Variants in ACAD10 observed in about 807,000 individuals in gnomAD.
ACAD10 encodes acyl-CoA dehydrogenase family member 10, also known as ACAD-10.
In ACAD10, 112 loss-of-function variants were observed where a neutral mutation model predicts 116.8. The observed-to-expected ratio is 0.96, with a 90% CI of 0.82 to 1.12. The LOEUF (loss-of-function observed/expected upper bound fraction) is 1.12. ACAD10 is among the 50% of genes most tolerant of loss of function. The pLI is 0.00. For missense variants in ACAD10, 1,259 were observed against 1,350.2 expected, an observed-to-expected ratio of 0.93 and a Z score of 1.06; for synonymous variants, 486 against 510.6, an observed-to-expected ratio of 0.95 and a Z score of 0.65.
intron 3 of ACAD10, among the ~76,000 whole-genome samples, chr12:111,705,236 A>G (rs1888464021): frequency 6.6e-6 from 1 of 151,772 alleles, no homozygotes; most frequent in Non-Finnish European, 1.5e-5. Flanking sequence ...TGTAATATTG[A>G]TATAAATAGC....
chr12:111,742,086 T>C (rs1889760108), intron 12 of ACAD10, among the ~76,000 whole-genome samples: 1 of 152,184 alleles, frequency 6.6e-6, no homozygotes, highest in African/African-American at 2.4e-5. Context: ...GCAAGTTAAG[T>C]GGACACCAGT....
At chr12:111,716,132 G>A (rs982438853) in intron 7 of ACAD10, among the ~76,000 whole-genome samples, 170 bp downstream of exon 7, 3 of 152,120 alleles carry the variant, frequency 2.0e-5, no homozygotes, top group Non-Finnish European at 4.4e-5. Context: ...TTGGGAGACC[G>A]AGGCAAGAGG....
At chr12:111,749,405 C>G in intron 18 of ACAD10, 60 bp downstream of exon 18, 1 of 1,559,392 alleles carries the variant, frequency 6.4e-7, no homozygotes, top group Non-Finnish European at 8.7e-7. Flanking sequence ...GCTTTGCTGT[C>G]GGACTTCAAT....
In ACAD10 at chr12:111,715,181, T is replaced by A. The variant is rs940717858; in HGVS notation, c.851-640T>A. 2.6e-5 allele frequency among the ~76,000 whole-genome samples: 4 copies of A among 152,238 alleles called. No homozygotes were observed. In the South Asian group the frequency reaches 8.3e-4, roughly 32 times the overall value. On this transcript the variant is annotated intron_variant, in intron 6 of 20. Coordinates refer to ENST00000313698, the MANE Select transcript of ACAD10 (RefSeq NM_025247.6). ...GCCAGCCAGAAGAACTCAGGCCGAG[T>A]TCTGTTGCTTGCCTACTCTTCTAAC...
Position 111,732,101 on chromosome 12 carries a change from A to G in ACAD10, c.1395-1822A>G, listed in dbSNP as rs1019537892. Among the ~76,000 whole-genome samples, 3 of 152,094 alleles carry G rather than the reference A, an allele frequency of 2.0e-5. No homozygotes were observed. The South Asian group carries it at 6.2e-4, about 32-fold the overall frequency. ...ATCTCAAAAAACAACAAAAAAAGAA[A>G]AGTAATGGGCAGTAACATGGAAGAT... On this transcript the variant is annotated intron_variant, in intron 10 of 20. Transcript: ENST00000313698.
At chr12:111,707,547 C>G (rs1888547128) in intron 4 of ACAD10, among the ~76,000 whole-genome samples, 1 of 152,318 alleles carries the variant, frequency 6.6e-6, no homozygotes, top group African/African-American at 2.4e-5. Context: ...CTGGCCCATT[C>G]CTCCAAGGAT....
rs1889477897 is a variant in ACAD10 at position 111,734,025 on chromosome 12, C to T, written c.1497C>T (p.Ser499=). 3.7e-6 allele frequency: 6 copies of T among 1,614,108 alleles called. No homozygotes were observed. Among genetic ancestry groups the T allele is most frequent in the African/African-American group, 1.3e-5 (1 of 74,954 alleles). ...ACCCCCTTGCTGATGTGGCCTACAG[C>T]TGCCTGGCTCATTACCTGCCATCCA... The part of the protein sequence containing the change: ...LGDPLADVAY[S]CLAHYLPSSF... The change falls in exon 11 of 21, where the codon AGC becomes AGT. Residue 499 remains serine, a synonymous_variant. Coordinates refer to ENST00000313698, the MANE Select transcript of ACAD10 (RefSeq NM_025247.6).
intron 15 of ACAD10, 43 bp from the exon 16 acceptor site, chr12:111,747,252 G>A: frequency 6.2e-7 from 1 of 1,613,412 alleles, no homozygotes; most frequent in Non-Finnish European, 8.5e-7. Flanking sequence ...GGGAACACGG[G>A]CTGTCTGCTG....
chr12:111,698,279 C>T (rs1012665773), intron 2 of ACAD10, among the ~76,000 whole-genome samples: 6 of 145,588 alleles, frequency 4.1e-5, no homozygotes, highest in Non-Finnish European at 7.5e-5. Context: ...ATTATAGGCA[C>T]AAGCCACTGC....
At chr12:111,715,657 GACTCAGTC>G in intron 6 of ACAD10, 156 bp from the exon 7 acceptor site, 1 of 848,324 alleles carries the variant, frequency 1.2e-6, no homozygotes, top group Non-Finnish European at 1.8e-6. Flanking sequence ...GTAGACCTGG[GACTCAGTC>G]ACTCCTAGTA....
intron 6 of ACAD10, 69 bp from the exon 7 acceptor site, chr12:111,715,752 A>G (rs1309694975): frequency 6.2e-7 from 1 of 1,601,426 alleles, no homozygotes; most frequent in East Asian, 2.2e-5. Flanking sequence ...ACTCATTAGA[A>G]AGAAAGAATG....
At chr12:111,697,951 T>C (rs1888236803) in intron 2 of ACAD10, among the ~76,000 whole-genome samples, 1 of 151,124 alleles carries the variant, frequency 6.6e-6, no homozygotes, top group Non-Finnish European at 1.5e-5. Flanking sequence ...TTTTTTTTTT[T>C]TTTGAGTCGG....
At chr12:111,756,042 G>A (rs1312634728) in intron 20 of ACAD10, 1 of 1,059,076 alleles carries the variant, frequency 9.4e-7, no homozygotes, top group East Asian at 2.7e-5. Context: ...CATAAGCCCA[G>A]AGCCCAGGCT....
chr12:111,694,763 C>G (rs536532109), intron 2 of ACAD10, among the ~76,000 whole-genome samples: 2 of 152,342 alleles, frequency 1.3e-5, no homozygotes, highest in East Asian at 3.9e-4. Context: ...TAGCAGCTCA[C>G]ACCTGTAATC....
chr12:111,741,333 CCT>C (rs1889735659), intron 12 of ACAD10, among the ~76,000 whole-genome samples: 1 of 152,258 alleles, frequency 6.6e-6, no homozygotes, highest in South Asian at 2.1e-4. Context: ...GTCCTGGTCA[CCT>C]CTGATATTTC....
rs1197402012 is a variant in ACAD10 at position 111,747,176 on chromosome 12, C to G, written c.2384C>G (p.Thr795Ser). ...EGKARSCFAM[T>S]EPQVASSDAT... ...AAAGCCCGCTCCTGTTTTGCTATGA[C>G]CGAGCCCCAGGTACGTCGCCTGGGC... Residue 795 changes from threonine to serine, a missense_variant, in exon 15 of 21, where the codon ACC (threonine) becomes AGC (serine). Coordinates refer to ENST00000313698, the MANE Select transcript of ACAD10 (RefSeq NM_025247.6). 6.2e-7 allele frequency: 1 copy of G among 1,610,274 alleles called. No homozygotes were observed. Among genetic ancestry groups the G allele is most frequent in the Non-Finnish European group, 8.5e-7 (1 of 1,177,168 alleles).
intron 12 of ACAD10, among the ~76,000 whole-genome samples, chr12:111,744,038 G>A (rs551366091): frequency 2.6e-4 from 40 of 152,148 alleles, no homozygotes; most frequent in African/African-American, 8.9e-4. Context: ...GTGAGCCACC[G>A]CACCTGGCCA....
intron 20 of ACAD10, 50 bp from the exon 21 acceptor site, chr12:111,756,283 G>A (rs780565297): frequency 2.4e-5 from 36 of 1,525,944 alleles, no homozygotes; most frequent in African/African-American, 1.1e-4. Context: ...TGGGGCTCTC[G>A]GAGACAAGGG....
chr12:111,735,055 C>G (rs1001690845), intron 11 of ACAD10, among the ~76,000 whole-genome samples: 1 of 151,980 alleles, frequency 6.6e-6, no homozygotes, highest in African/African-American at 2.4e-5. Flanking sequence ...AACCCCGTCT[C>G]TACTAAAAAT....
Sources: allele counts gnomAD v4.1 joint callset (sites outside exome capture counted in the v4.1 genomes callset), GRCh38; gene constraint gnomAD v4.1.1; transcripts MANE v1.5; gene names NCBI Gene and HGNC (gene_info 2026-07-23, HGNC 2026-07-21).